GPI: variants seen among roughly 807,000 people sequenced by gnomAD.
GPI encodes glucose-6-phosphate isomerase.
In GPI, 56 loss-of-function variants were observed where a neutral mutation model predicts 75.8. The observed-to-expected ratio is 0.74, with a 90% CI of 0.60 to 0.92. The LOEUF is 0.92. Ranked by LOEUF, GPI falls within the 40% of genes least tolerant of loss-of-function variation. The pLI is 0.00. For missense variants in GPI, 638 were observed against 741.0 expected, an observed-to-expected ratio of 0.86 and a Z score of 1.61; for synonymous variants, 288 against 285.4, an observed-to-expected ratio of 1.01 and a Z score of -0.09.
Position 34,379,510 on chromosome 19 carries a change from T to A in GPI, c.706-8T>A, listed in dbSNP as rs772099927. The A allele has an allele frequency of 6.2e-7, 1 of 1,613,924 alleles. No individual in the cohort carries two copies. The highest frequency in any genetic ancestry group is 1.7e-5 in the Admixed American group (1 of 60,022). Reference sequence around the variant, plus strand: ...CTGGCTGTGGTAACTTGGCTCTGTCTCTTGTAGCCTTCTGCAGTGGCGAAG... The same window carrying A: ...CTGGCTGTGGTAACTTGGCTCTGTCACTTGTAGCCTTCTGCAGTGGCGAAG... On this transcript the variant is annotated splice_region_variant and splice_polypyrimidine_tract_variant and intron_variant, in intron 7 of 17. Transcript: ENST00000356487.
chr19:34,370,664 G>A (rs565834181), intron 4 of GPI, among the ~76,000 whole-genome samples: 2 of 152,142 alleles, frequency 1.3e-5, no homozygotes, highest in East Asian at 3.9e-4. Flanking sequence ...GGCAGAGGTT[G>A]CAGTGAGCCA....
At chr19:34,371,843 A>T (rs1439239317) in intron 4 of GPI, among the ~76,000 whole-genome samples, 1 of 150,362 alleles carries the variant, frequency 6.7e-6, no homozygotes, top group Non-Finnish European at 1.5e-5. Flanking sequence ...CAACAGAGTG[A>T]GACTTTGTCT....
chr19:34,379,067 C>T, intron 7 of GPI, 62 bp downstream of exon 7: 2 of 1,365,148 alleles, frequency 1.5e-6, no homozygotes, highest in Middle Eastern at 1.8e-4. Context: ...CAGGGTGGGC[C>T]CCTGAGTGAC....
chr19:34,396,791 G>A, intron 14 of GPI, 134 bp downstream of exon 14: 2 of 747,840 alleles, frequency 2.7e-6, no homozygotes, highest in Non-Finnish European at 4.7e-6. Flanking sequence ...AAACATGGAG[G>A]CTTAAAACAA....
chr19:34,376,687 T>C (rs1441088194), intron 4 of GPI, among the ~76,000 whole-genome samples: 1 of 152,154 alleles, frequency 6.6e-6, no homozygotes, highest in South Asian at 2.1e-4. Flanking sequence ...CTCAACTTCC[T>C]GGACTCAAGC....
upstream of GPI, among the ~76,000 whole-genome samples, chr19:34,361,735 C>A (rs1568320117): frequency 6.6e-6 from 1 of 151,854 alleles, no homozygotes; most frequent in Non-Finnish European, 1.5e-5. Flanking sequence ...AATCCCAGCA[C>A]TTTGGGAAGC....
chr19:34,364,880 C>T (rs761991063), upstream of GPI: 5 of 1,156,778 alleles, frequency 4.3e-6, no homozygotes, highest in South Asian at 5.7e-5. Context: ...TGAATGAAGC[C>T]GACTAGTGCA....
chr19:34,385,179 T>C (rs1030680910), intron 9 of GPI, among the ~76,000 whole-genome samples: 2 of 151,622 alleles, frequency 1.3e-5, no homozygotes, highest in African/African-American at 2.4e-5. Context: ...GAAACCCCAT[T>C]TCTACTAAAA....
chr19:34,372,989 G>C lies in GPI; in HGVS notation c.402+4287G>C, dbSNP rs560710173. ...GAGTTTCACCATGTTGGCTAGGCTGGTCTCGAACTCCTGACTTCATAATCT... is the reference window on the plus strand; with the variant it reads ...GAGTTTCACCATGTTGGCTAGGCTGCTCTCGAACTCCTGACTTCATAATCT... On this transcript the variant is annotated intron_variant, in intron 4 of 17. Transcript: ENST00000356487. Among the ~76,000 whole-genome samples, 10 of 152,024 alleles carry C rather than the reference G, an allele frequency of 6.6e-5. No homozygotes were observed. The East Asian group carries it at 2.0e-3, about 30-fold the overall frequency.
chr19:34,389,175 T>C (rs1462458308), intron 9 of GPI, among the ~76,000 whole-genome samples: 18 of 152,188 alleles, frequency 1.2e-4, no homozygotes, highest in Non-Finnish European at 4.4e-5. Context: ...TCTGTAGGAC[T>C]GCGTCTGTCA....
At chr19:34,365,024 G>T, upstream of GPI, 1 of 1,528,746 alleles carries the variant, frequency 6.5e-7, no homozygotes, top group Non-Finnish European at 8.7e-7. Context: ...CAAGAGGTAG[G>T]GAGAGAGGAG....
intron 9 of GPI, among the ~76,000 whole-genome samples, chr19:34,382,755 C>G (rs983001945): frequency 1.3e-5 from 2 of 152,000 alleles, no homozygotes; most frequent in Non-Finnish European, 2.9e-5. Flanking sequence ...TAGGGTGTGG[C>G]TTAAGGAGAG....
At chr19:34,368,810 G>A (rs2074406823) in intron 4 of GPI, 108 bp downstream of exon 4, 15 of 1,281,506 alleles carry the variant, frequency 1.2e-5, no homozygotes, top group Non-Finnish European at 1.6e-5. Flanking sequence ...CAGGACTCAG[G>A]TTCTCACTGC....
chr19:34,365,385 T>C lies in GPI; in HGVS notation c.119T>C (p.Phe40Ser). Residue 40 changes from phenylalanine (F) to serine (S), a missense_variant, in exon 1 of 18, where the codon TTC becomes TCC. Phe to Ser is a radical substitution (Grantham distance 155). Transcript: ENST00000356487. ...GCCAACAAGGACCGCTTCAACCACT[T>C]CAGGTGCGGGCGGGCCGGAGGCGGG... The part of the protein sequence containing the change: ...FDANKDRFNH[F>S]SLTLNTNHGH... 3.2e-6 allele frequency: 5 copies of C among 1,579,724 alleles called. No individual in the cohort carries two copies. The highest frequency in any genetic ancestry group is 4.3e-6 in the Non-Finnish European group (5 of 1,166,318).
intron 4 of GPI, among the ~76,000 whole-genome samples, chr19:34,369,198 G>A (rs1389844827): frequency 2.6e-5 from 4 of 151,766 alleles, no homozygotes; most frequent in East Asian, 1.9e-4. Flanking sequence ...ACAATTATGC[G>A]CCACCCTGCT....
intron 1 of GPI, chr19:34,365,975 G>A: frequency 1.9e-6 from 1 of 520,684 alleles, no homozygotes; most frequent in Non-Finnish European, 3.7e-6. Context: ...GGAGGCGGGG[G>A]AGGGGAGCGA....
At chr19:34,387,459 G>A (rs369543235) in intron 9 of GPI, among the ~76,000 whole-genome samples, 5 of 151,528 alleles carry the variant, frequency 3.3e-5, no homozygotes, top group Non-Finnish European at 7.4e-5. Context: ...TGGTGTTGTC[G>A]TGAGTCTGTG....
At chr19:34,376,524 G>A (rs117295911) in intron 4 of GPI, among the ~76,000 whole-genome samples, 17,051 of 149,160 alleles carry the variant, frequency 0.11, 1,355 homozygotes, top group African/African-American at 0.22. Flanking sequence ...AGATCGTGCC[G>A]TTGTACTCCA....
Position 34,396,371 on chromosome 19 carries a change from T to C in GPI, c.1133T>C (p.Ile378Thr). 1.9e-6 allele frequency: 3 copies of C among 1,613,644 alleles called. No individual in the cohort carries two copies. The highest frequency in any genetic ancestry group is 2.5e-6 in the Non-Finnish European group (3 of 1,179,526). Reference sequence around the variant, plus strand: ...CGTGTGGACCACCAGACAGGCCCCATTGTGTGGGGGGAGCCAGGGACCAAT... The same window carrying C: ...CGTGTGGACCACCAGACAGGCCCCACTGTGTGGGGGGAGCCAGGGACCAAT... Reference protein sequence around the residue: ...GTRVDHQTGPIVWGEPGTNGQ... With the variant: ...GTRVDHQTGPTVWGEPGTNGQ... Residue 378 changes from isoleucine (I) to threonine (T), a missense_variant, in exon 13 of 18, where the codon ATT (isoleucine) becomes ACT (threonine). Coordinates refer to ENST00000356487, the MANE Select transcript of GPI (RefSeq NM_000175.5).
Sources: gnomAD v4.1 joint callset for allele counts (sites outside exome capture counted in the v4.1 genomes callset) on GRCh38, gnomAD v4.1.1 for gene constraint, MANE v1.5 for transcripts, NCBI Gene and HGNC (gene_info 2026-07-23, HGNC 2026-07-21) for gene names.